The following NCBP3 variants were observed in gnomAD, a reference collection of about 807,000 sequenced individuals.
NCBP3 encodes nuclear cap-binding protein subunit 3.
In NCBP3, 20 loss-of-function variants were observed where a neutral mutation model predicts 75.7. That is an observed-to-expected ratio of 0.26 (90% confidence interval 0.19 to 0.38). The LOEUF (loss-of-function observed/expected upper bound fraction) is 0.38, where lower values mean the gene tolerates loss of function less well. Among genes scored for constraint, NCBP3 ranks in the 10% least tolerant of loss-of-function variants. NCBP3 has a pLI of 1.00. For synonymous variants in NCBP3, 293 were observed against 290.5 expected, an observed-to-expected ratio of 1.01 and a Z score of -0.09; for missense variants, 678 against 796.9, an observed-to-expected ratio of 0.85 and a Z score of 1.80.
Position 3,819,006 on chromosome 17 carries a change from T to TA in NCBP3, c.1001-435dup, listed in dbSNP as rs771136951. On this transcript the variant is annotated intron_variant, in intron 9 of 12. Transcript: ENST00000389005. ...CACCTTCCTGTTTCATCTCATGCTG[T>TA]AAACAAGCGTCTGTTTCAGTCCACC... Among the ~76,000 whole-genome samples the TA allele has an allele frequency of 1.2e-4, 19 of 152,336 alleles. No individual in the cohort carries two copies. In the South Asian group the frequency reaches 2.1e-3, roughly 17 times the overall value.
In NCBP3 at chr17:3,812,417, G is replaced by T; in HGVS notation, c.*627C>A. On this transcript the variant is annotated 3_prime_UTR_variant, in exon 13 of 13. Transcript: ENST00000389005. ...ACTTGATCTTCACATCAAGCTGACA[G>T]CACGTAAGAGGCCCATGCCATGAGC... 1.5e-6 allele frequency: 1 copy of T among 674,254 alleles called. No individual in the cohort carries two copies. Among genetic ancestry groups the T allele is most frequent in the Non-Finnish European group, 1.8e-6 (1 of 545,072 alleles). The allele number at this position is 674,254 out of a possible 1,614,324, so 41.8% of individuals were successfully genotyped here.
At chr17:3,834,121 G>A (rs150103672) in intron 3 of NCBP3, among the ~76,000 whole-genome samples, 123 of 152,270 alleles carry the variant, frequency 8.1e-4, no homozygotes, top group Non-Finnish European at 1.4e-3. Context: ...AGAAGGTAGC[G>A]AATTTTAGGT....
intron 12 of NCBP3, among the ~76,000 whole-genome samples, chr17:3,813,770 G>C (rs977330106): frequency 6.6e-6 from 1 of 152,160 alleles, no homozygotes; most frequent in African/African-American, 2.4e-5. Context: ...TTGAGACAAG[G>C]TCTTGCTGTT....
chr17:3,818,475 A>C lies in NCBP3; in HGVS notation c.1098T>G (p.Asp366Glu). The change falls in exon 10 of 13, where the codon GAT becomes GAG. Residue 366 changes from aspartate (D) to glutamate (E), a missense_variant. Asp to Glu is a conservative substitution (Grantham distance 45, BLOSUM62 2). Coordinates refer to ENST00000389005, the MANE Select transcript of NCBP3 (RefSeq NM_001114118.3). This position sits in a 1 kb window ranked among gnomAD's most constrained non-coding sequence, Gnocchi z 4.7. ...CGTGGTACTCTACCACCACTCTGTC[A>C]TCTGCATCCATGTCCTGGTCTTCTT... ...EEEEDQDMDA[D>E]DRVVVEYHEE... 1 of 1,613,934 alleles carries C rather than the reference A, an allele frequency of 6.2e-7. No individual in the cohort carries two copies. The highest frequency in any genetic ancestry group is 8.5e-7 in the Non-Finnish European group (1 of 1,180,006).
intron 12 of NCBP3, 63 bp from the exon 13 acceptor site, chr17:3,813,342 G>C: frequency 6.3e-7 from 1 of 1,585,618 alleles, no homozygotes; most frequent in South Asian, 1.1e-5. Context: ...TAGCACTGAG[G>C]GGGCAGCAGC....
chr17:3,838,382 C>T (rs998529093), intron 3 of NCBP3, among the ~76,000 whole-genome samples: 16 of 152,260 alleles, frequency 1.1e-4, no homozygotes, highest in Non-Finnish European at 2.4e-4. Flanking sequence ...GAGAGACTCA[C>T]AGGTATGCTT....
In NCBP3 at chr17:3,816,160, C is replaced by G; in HGVS notation, c.1421G>C (p.Arg474Pro). 6.2e-7 allele frequency: 1 copy of G among 1,614,124 alleles called. No individual in the cohort carries two copies. The highest frequency in any genetic ancestry group is 8.5e-7 in the Non-Finnish European group (1 of 1,180,018). Residue 474 changes from arginine to proline, a missense_variant, in exon 11 of 13, where the codon CGT becomes CCT. By Grantham distance (103) the Arg-to-Pro change is moderately radical (BLOSUM62 -2). This residue lies in a region of NCBP3 where 365 missense variants were observed against 392.7 expected (regional missense o/e 0.93). Coordinates refer to ENST00000389005, the MANE Select transcript of NCBP3 (RefSeq NM_001114118.3). ...TGGTGGCCGTGGACGGGAGTGCTGA[C>G]GTTTCTCATCTAATAGATGTCGGAC... ...ADVRHLLDEK[R>P]QHSRPRPPVS...
chr17:3,823,080 G>A lies in NCBP3; in HGVS notation c.797-1028C>T, dbSNP rs1020976088. 2.0e-5 allele frequency among the ~76,000 whole-genome samples: 3 copies of A among 152,222 alleles called. No homozygotes were observed. In the East Asian group the frequency reaches 5.8e-4, roughly 29 times the overall value. On this transcript the variant is annotated intron_variant, in intron 7 of 12. Transcript: ENST00000389005. ...TGTAATCCCAGTACTTTGGGAGGCT[G>A]AGGCGGGCGGATCACAAGGTCAAGA...
chr17:3,839,867 GGCC>G (rs1320617241), intron 3 of NCBP3, among the ~76,000 whole-genome samples: 1 of 152,086 alleles, frequency 6.6e-6, no homozygotes, highest in African/African-American at 2.4e-5. Flanking sequence ...ACTTTTTCTG[GGCC>G]TCCTCAGAAA....
At chr17:3,814,062 T>G (rs989718507) in intron 12 of NCBP3, among the ~76,000 whole-genome samples, 4 of 152,224 alleles carry the variant, frequency 2.6e-5, no homozygotes, top group Admixed American at 1.3e-4. Context: ...AAGACCAGAA[T>G]AGCTCACATG....
At position 3,818,877 on chromosome 17, in the gene NCBP3, C is replaced by T. The variant is rs2053605792; in HGVS notation, c.1001-305G>A. On this transcript the variant is annotated intron_variant, in intron 9 of 12. Transcript: ENST00000389005. This position sits in a 1 kb window ranked among gnomAD's most constrained non-coding sequence, Gnocchi z 4.7. ...TTTATTTGTAACTCCAAAATGAATA[C>T]GTGCAATGCTTCCATGGTCATTTGC... 6.6e-6 allele frequency among the ~76,000 whole-genome samples: 1 copy of T among 152,182 alleles called. No individual in the cohort carries two copies. The highest frequency in any genetic ancestry group is 1.5e-5 in the Non-Finnish European group (1 of 68,040).
At chr17:3,824,737 GA>G in intron 7 of NCBP3, 1 of 328,022 alleles carries the variant, frequency 3.0e-6, no homozygotes, top group Non-Finnish European at 5.5e-6. Context: ...AGAAGTCACA[GA>G]AATATACAAA....
chr17:3,826,314 C>T (rs2053782617), intron 4 of NCBP3, 99 bp from the exon 5 acceptor site: 1 of 1,144,494 alleles, frequency 8.7e-7, no homozygotes, highest in African/African-American at 1.6e-5. Flanking sequence ...CCTCATCTAG[C>T]AACAGATTAT....
chr17:3,828,819 T>A (rs1282476386), intron 4 of NCBP3, among the ~76,000 whole-genome samples: 3 of 152,112 alleles, frequency 2.0e-5, no homozygotes, highest in African/African-American at 7.2e-5. Context: ...CTGGTCTATC[T>A]CTAGGTCAGA....
At chr17:3,817,860 A>G (rs2053573377) in intron 10 of NCBP3, among the ~76,000 whole-genome samples, 2 of 152,328 alleles carry the variant, frequency 1.3e-5, no homozygotes, top group South Asian at 2.1e-4. Flanking sequence ...AATGTCTACA[A>G]TATATTAAGT....
Position 3,812,935 on chromosome 17 carries a change from T to C in NCBP3, c.*109A>G, listed in dbSNP as rs563350008. On this transcript the variant is annotated 3_prime_UTR_variant, in exon 13 of 13. Transcript: ENST00000389005. The stretch of plus-strand genomic sequence containing the variant: ...GTAGCAAGAGCGGAGGGTGACTGTG[T>C]GAGCAGGAGCGAGAGGGCGCCAGCT... The C allele has an allele frequency of 5.2e-5, 80 of 1,532,688 alleles. 2 individuals are homozygous for C. The Admixed American group carries it at 1.3e-3, about 26-fold the overall frequency. 94.9% of individuals were successfully genotyped at this position (1,532,688 alleles called of 1,614,324 possible).
At chr17:3,838,503 A>T (rs1281997594) in intron 3 of NCBP3, among the ~76,000 whole-genome samples, 1 of 152,246 alleles carries the variant, frequency 6.6e-6, no homozygotes, top group Non-Finnish European at 1.5e-5. Context: ...TTCTGACTTG[A>T]ACTGGTCATG....
chr17:3,825,343 C>T (rs918913029), intron 6 of NCBP3, among the ~76,000 whole-genome samples: 6 of 152,108 alleles, frequency 3.9e-5, no homozygotes, highest in African/African-American at 2.4e-5. Context: ...ATGCAGGCTC[C>T]GAGAGGGCCA....
At chr17:3,845,961 G>A in intron 1 of NCBP3, 80 bp downstream of exon 1, 11 of 1,450,520 alleles carry the variant, frequency 7.6e-6, no homozygotes, top group Non-Finnish European at 1.0e-5. Flanking sequence ...TGGGGCTCCG[G>A]CCACCGCCCC....
Sources: gnomAD v4.1 joint callset for allele counts (sites outside exome capture counted in the v4.1 genomes callset) on GRCh38, gnomAD v4.1.1 for gene constraint, gnomAD v4.1.1 regional missense constraint, Gnocchi (gnomAD v3.1) non-coding constraint, MANE v1.5 for transcripts, NCBI Gene and HGNC (gene_info 2026-07-23, HGNC 2026-07-21) for gene names.